CERS6: variants seen among roughly 807,000 people sequenced by gnomAD.
CERS6 encodes ceramide synthase 6.
CERS6 carries 26 observed loss-of-function variants against 56.8 expected under a neutral mutation model. The ratio of observed to expected loss-of-function variants is 0.46; its 90% CI spans 0.34 to 0.63. CERS6 has a LOEUF of 0.63. CERS6 is among the 30% of genes least tolerant of loss of function. The pLI is 0.01. For synonymous variants in CERS6, 164 were observed against 173.3 expected (o/e 0.95, Z 0.42); for missense variants, 415 against 467.5 (o/e 0.89, Z 1.04).
rs1317025454 is a variant in CERS6, at chr2:168,456,828, G to C, written c.170+210G>C. Among the ~76,000 whole-genome samples the C allele has an allele frequency of 6.6e-6, 1 of 152,174 alleles. No homozygotes were observed. Among genetic ancestry groups the C allele is most frequent in the Non-Finnish European group, 1.5e-5 (1 of 68,018 alleles). On this transcript the variant is annotated intron_variant, in intron 1 of 9. Transcript: ENST00000305747. This position sits in a 1 kb window ranked among gnomAD's most constrained non-coding sequence, Gnocchi z 4.1. ...TGGCTTGCCACGGATTTCCTCCCGG[G>C]CGCCGGGGAGGAGCCGCGGAGCGTT...
intron 1 of CERS6, among the ~76,000 whole-genome samples, chr2:168,529,836 T>A (rs984195688): frequency 1.3e-5 from 2 of 152,194 alleles, no homozygotes; most frequent in African/African-American, 4.8e-5. Context: ...CTAGAAAATA[T>A]AATGGAATTA....
intron 3 of CERS6, among the ~76,000 whole-genome samples, chr2:168,595,058 A>G (rs969258053): frequency 6.6e-6 from 1 of 152,212 alleles, no homozygotes; most frequent in South Asian, 2.1e-4. Flanking sequence ...TCTTAGGTAC[A>G]GGAAGGCATC....
chr2:168,564,808 T>C (rs1480672818), intron 3 of CERS6, among the ~76,000 whole-genome samples: 2 of 152,234 alleles, frequency 1.3e-5, no homozygotes, highest in Non-Finnish European at 2.9e-5. Flanking sequence ...ACTAGGAATT[T>C]AACCCTGAAT....
chr2:168,598,643 AG>A (rs1377933789), intron 3 of CERS6, among the ~76,000 whole-genome samples: 1 of 152,196 alleles, frequency 6.6e-6, no homozygotes, highest in Non-Finnish European at 1.5e-5. Flanking sequence ...GTGAAAAAAA[AG>A]GTCCCAATTC....
Position 168,617,671 on chromosome 2 carries a change from G to A in CERS6, c.408-13314G>A, listed in dbSNP as rs535241143. On this transcript the variant is annotated intron_variant, in intron 3 of 9. Transcript: ENST00000305747. ...TTCCTGGAAAGATACAACCCTCCTAGCTTAAATCAGGAAGAATTAGACACC... is the reference window on the plus strand; with the variant it reads ...TTCCTGGAAAGATACAACCCTCCTAACTTAAATCAGGAAGAATTAGACACC... 1.4e-4 allele frequency among the ~76,000 whole-genome samples: 22 copies of A among 152,208 alleles called. No individual in the cohort carries two copies. The South Asian group carries it at 1.9e-3, about 13-fold the overall frequency.
At chr2:168,618,932 T>C (rs955225566) in intron 3 of CERS6, among the ~76,000 whole-genome samples, 1 of 151,964 alleles carries the variant, frequency 6.6e-6, no homozygotes, top group African/African-American at 2.4e-5. Context: ...AGCAAGACTA[T>C]GCAAAAGAAC....
intron 4 of CERS6, among the ~76,000 whole-genome samples, chr2:168,677,506 A>G (rs1017108398): frequency 3.3e-5 from 5 of 151,062 alleles, no homozygotes; most frequent in Non-Finnish European, 7.4e-5. Flanking sequence ...CATTTTTTTT[A>G]TTTTTTATGA....
Position 168,456,629 on chromosome 2 carries a change from C to A in CERS6, c.170+11C>A. 1 of 1,612,230 alleles carries A rather than the reference C, an allele frequency of 6.2e-7. No individual in the cohort carries two copies. Among genetic ancestry groups the A allele is most frequent in the Non-Finnish European group, 8.5e-7 (1 of 1,178,828 alleles). Reference sequence around the variant, plus strand: ...GCTCATCTTCGAGAGGTAAGAAGGGCTGAAGCCCCTCCTCCCCTCCCCCTG... The same window carrying A: ...GCTCATCTTCGAGAGGTAAGAAGGGATGAAGCCCCTCCTCCCCTCCCCCTG... On this transcript the variant is annotated intron_variant, in intron 1 of 9. Transcript: ENST00000305747. The surrounding 1 kb of genome is among the most constrained non-coding windows in gnomAD (Gnocchi z 4.1).
At chr2:168,729,565 C>G (rs569743965) in intron 8 of CERS6, among the ~76,000 whole-genome samples, 1 of 152,290 alleles carries the variant, frequency 6.6e-6, no homozygotes, top group South Asian at 2.1e-4. Context: ...GGACCAGTAC[C>G]AGAACCATCC....
At chr2:168,699,822 G>T (rs1350717421) in intron 6 of CERS6, among the ~76,000 whole-genome samples, 1 of 152,116 alleles carries the variant, frequency 6.6e-6, no homozygotes, top group Non-Finnish European at 1.5e-5. Flanking sequence ...CTTAATTTTT[G>T]TTAAAATTGT....
At chr2:168,561,373 A>G (rs749131814) in intron 3 of CERS6, 51 bp downstream of exon 3, 1 of 1,605,940 alleles carries the variant, frequency 6.2e-7, no homozygotes, top group East Asian at 2.2e-5. Context: ...ACTCATGCCA[A>G]CCCTGAGGTG....
intron 4 of CERS6, among the ~76,000 whole-genome samples, chr2:168,684,555 C>T (rs1442144480): frequency 6.6e-6 from 1 of 152,088 alleles, no homozygotes; most frequent in African/African-American, 2.4e-5. Flanking sequence ...ATTAATAACA[C>T]AGTTTCTTAA....
At chr2:168,487,677 C>T (rs1558968458) in intron 1 of CERS6, among the ~76,000 whole-genome samples, 1 of 152,022 alleles carries the variant, frequency 6.6e-6, no homozygotes, top group Admixed American at 6.6e-5. Flanking sequence ...TATGTGTTTT[C>T]CTTAGTATTC....
chr2:168,465,146 A>G (rs552873273), intron 1 of CERS6, among the ~76,000 whole-genome samples: 1 of 152,374 alleles, frequency 6.6e-6, no homozygotes, highest in East Asian at 1.9e-4. Flanking sequence ...ATATGTGAAC[A>G]GCTAAACAAA....
At chr2:168,492,991 G>A (rs1694400769) in intron 1 of CERS6, among the ~76,000 whole-genome samples, 1 of 151,796 alleles carries the variant, frequency 6.6e-6, no homozygotes, top group Admixed American at 6.6e-5. Context: ...CTTCTCAATG[G>A]GATCCATTAG....
At chr2:168,512,154 A>G (rs1235396065) in intron 1 of CERS6, among the ~76,000 whole-genome samples, 1 of 152,200 alleles carries the variant, frequency 6.6e-6, no homozygotes, top group Non-Finnish European at 1.5e-5. Context: ...CAGAGAGTAG[A>G]ATGCTGGGTG....
At chr2:168,697,802 T>G (rs1490345131) in intron 6 of CERS6, among the ~76,000 whole-genome samples, 2 of 152,180 alleles carry the variant, frequency 1.3e-5, no homozygotes, top group African/African-American at 4.8e-5. Flanking sequence ...AGAGGTGCCA[T>G]CCAGAGTCAA....
intron 3 of CERS6, among the ~76,000 whole-genome samples, chr2:168,623,605 C>A (rs986027551): frequency 6.6e-6 from 1 of 152,096 alleles, no homozygotes; most frequent in Non-Finnish European, 1.5e-5. Flanking sequence ...TTATTAAATA[C>A]AAAATAATTG....
chr2:168,576,389 A>G (rs1683270451), intron 3 of CERS6, among the ~76,000 whole-genome samples: 1 of 152,172 alleles, frequency 6.6e-6, no homozygotes, highest in Admixed American at 6.5e-5. Flanking sequence ...GCCCAAATAC[A>G]TTTTGAGTGC....
Sources: allele counts gnomAD v4.1 joint callset (sites outside exome capture counted in the v4.1 genomes callset), GRCh38; gene constraint gnomAD v4.1.1; non-coding constraint Gnocchi (gnomAD v3.1); transcripts MANE v1.5; gene names NCBI Gene and HGNC (gene_info 2026-07-23, HGNC 2026-07-21).